CTNNA2: variants seen among roughly 807,000 people sequenced by gnomAD.
CTNNA2 encodes catenin alpha 2, also known as catenin alpha-2.
A neutral mutation model predicts 101.0 loss-of-function variants in CTNNA2; 42 were observed. The ratio of observed to expected loss-of-function variants is 0.42; its 90% CI spans 0.32 to 0.54. The LOEUF (loss-of-function observed/expected upper bound fraction) is 0.54. Among genes scored for constraint, CTNNA2 ranks in the 20% least tolerant of loss-of-function variants. The pLI, the probability that CTNNA2 is intolerant of heterozygous loss-of-function variation, is 0.14. For synonymous variants in CTNNA2, 450 were observed against 456.4 expected, an observed-to-expected ratio of 0.99 and a Z score of 0.18; for missense variants, 871 against 1,223.1, an observed-to-expected ratio of 0.71 and a Z score of 4.29.
At chr2:80,545,119 T>G in intron 10 of CTNNA2, 45 bp downstream of exon 10, 1 of 1,580,380 alleles carries the variant, frequency 6.3e-7, no homozygotes, top group Non-Finnish European at 8.7e-7. Flanking sequence ...AGTGACCTTC[T>G]CCACTCCAGC....
At chr2:79,374,026 T>G (rs573666133) in intron 4 of CTNNA2, 1 of 152,364 alleles carries the variant, frequency 6.6e-6, no homozygotes, top group African/African-American at 2.4e-5. Context: ...AAGACCTTTT[T>G]AACTTATCTC....
At chr2:80,033,120 C>T (rs1429810839) in intron 7 of CTNNA2, among the ~76,000 whole-genome samples, 1 of 139,004 alleles carries the variant, frequency 7.2e-6, no homozygotes, top group East Asian at 2.1e-4. Context: ...CATTGCACTC[C>T]AGCCTGGTGA....
chr2:80,608,233 T>C lies in CTNNA2; in HGVS notation c.2345T>C (p.Ile782Thr). 1.2e-6 allele frequency: 2 copies of C among 1,610,796 alleles called. No homozygotes were observed. ...KQDLLAYLQRIALYCHQLNIC... is the reference protein window; with the variant it reads ...KQDLLAYLQRTALYCHQLNIC... ...GATTTATTAGCCTACCTTCAACGAA[T>C]TGCCTTGTATTGCCATCAGCTTAAT... Residue 782 changes from isoleucine (I) to threonine (T), a missense_variant, in exon 17 of 19, where the codon ATT becomes ACT. Around this residue, in one of 5 missense-constraint regions of CTNNA2, gnomAD observed 93 missense variants for 223.7 expected, o/e 0.42. Transcript: ENST00000402739.
At chr2:80,023,338 A>G (rs1694704994) in intron 7 of CTNNA2, among the ~76,000 whole-genome samples, 1 of 152,204 alleles carries the variant, frequency 6.6e-6, no homozygotes. Flanking sequence ...TTGAGCACCT[A>G]AAATGTTCTT....
chr2:79,271,176 C>T (rs1675073012), intron 2 of CTNNA2, among the ~76,000 whole-genome samples: 1 of 151,998 alleles, frequency 6.6e-6, no homozygotes, highest in African/African-American at 2.4e-5. Context: ...GGCGATTCTT[C>T]TAGTAAGTAA....
At chr2:80,339,098 G>C (rs1333799799) in intron 7 of CTNNA2, among the ~76,000 whole-genome samples, 1 of 152,144 alleles carries the variant, frequency 6.6e-6, no homozygotes, top group Non-Finnish European at 1.5e-5. Flanking sequence ...TGTGTATATA[G>C]GGAGTGCTGA....
At chr2:80,580,078 A>G (rs545401011) in intron 13 of CTNNA2, among the ~76,000 whole-genome samples, 3 of 152,306 alleles carry the variant, frequency 2.0e-5, no homozygotes, top group East Asian at 3.9e-4. Context: ...AACCTCATAG[A>G]GTTAGCAAAG....
chr2:79,315,606 CTCTTTTATG>C, intron 3 of CTNNA2, among the ~76,000 whole-genome samples: 2 of 152,172 alleles, frequency 1.3e-5, no homozygotes, highest in Middle Eastern at 3.4e-3. Flanking sequence ...TAATAATATT[CTCTTTTATG>C]TCTTTTATGG....
At chr2:79,872,624 AG>A (rs1049982288) in intron 5 of CTNNA2, among the ~76,000 whole-genome samples, 3 of 152,202 alleles carry the variant, frequency 2.0e-5, no homozygotes, top group African/African-American at 4.8e-5. Context: ...GCTTAAGCAA[AG>A]GGGGAAAAAG....
At chr2:79,353,637 C>T (rs2104440804) in intron 3 of CTNNA2, among the ~76,000 whole-genome samples, 1 of 152,076 alleles carries the variant, frequency 6.6e-6, no homozygotes, top group Non-Finnish European at 1.5e-5. Flanking sequence ...CATTCTATGC[C>T]AATTTAAGTG....
intron 2 of CTNNA2, among the ~76,000 whole-genome samples, chr2:79,236,111 G>A (rs775785806): frequency 1.7e-4 from 26 of 151,838 alleles, no homozygotes; most frequent in African/African-American, 4.4e-4. Context: ...CAGAAATACT[G>A]GAGTGGAATC....
intron 3 of CTNNA2, among the ~76,000 whole-genome samples, chr2:79,317,573 T>C (rs973804103): frequency 1.3e-5 from 2 of 152,014 alleles, no homozygotes; most frequent in African/African-American, 2.4e-5. Context: ...TTCATCAGAG[T>C]GTTCTACCAA....
intron 2 of CTNNA2, among the ~76,000 whole-genome samples, chr2:79,656,464 G>A (rs545825444): frequency 6.6e-6 from 1 of 152,190 alleles, no homozygotes; most frequent in East Asian, 1.9e-4. Flanking sequence ...GATAAGGGAT[G>A]AAATGAAAAA....
intron 7 of CTNNA2, among the ~76,000 whole-genome samples, chr2:80,223,501 C>T (rs1275524895): frequency 5.3e-5 from 8 of 152,190 alleles, no homozygotes; most frequent in Admixed American, 1.3e-4. Flanking sequence ...CTCAAACTCC[C>T]GACCTCAGGT....
At chr2:79,553,492 T>G (rs1007151720) in intron 1 of CTNNA2, among the ~76,000 whole-genome samples, 13 of 152,188 alleles carry the variant, frequency 8.5e-5, no homozygotes, top group African/African-American at 2.7e-4. Context: ...TACTGGAGAC[T>G]GGGTAATTTA....
chr2:80,203,001 A>G (rs779196388), intron 7 of CTNNA2, among the ~76,000 whole-genome samples: 24 of 152,192 alleles, frequency 1.6e-4, no homozygotes, highest in Non-Finnish European at 2.8e-4. Flanking sequence ...AGACAAAGAG[A>G]GCTTGTGCAG....
intron 7 of CTNNA2, among the ~76,000 whole-genome samples, chr2:80,381,424 A>G (rs77462073): frequency 0.017 from 2,645 of 152,232 alleles, 77 homozygotes; most frequent in African/African-American, 0.059. Flanking sequence ...TAATGTTAAG[A>G]ATTAAAGTGC....
At chr2:79,227,950 C>G (rs529363766) in intron 2 of CTNNA2, among the ~76,000 whole-genome samples, 1 of 152,252 alleles carries the variant, frequency 6.6e-6, no homozygotes, top group East Asian at 1.9e-4. Flanking sequence ...CCTATCGTTA[C>G]AATCACGTAC....
At chr2:79,270,269 G>T (rs940464615) in intron 2 of CTNNA2, among the ~76,000 whole-genome samples, 1 of 152,084 alleles carries the variant, frequency 6.6e-6, no homozygotes, top group Non-Finnish European at 1.5e-5. Context: ...CCATGATTTA[G>T]TCAATGCCAA....
Sources: gnomAD v4.1 joint callset for allele counts (sites outside exome capture counted in the v4.1 genomes callset) on GRCh38, gnomAD v4.1.1 for gene constraint, gnomAD v4.1.1 regional missense constraint, MANE v1.5 for transcripts, NCBI Gene and HGNC (gene_info 2026-07-23, HGNC 2026-07-21) for gene names.